Variants in DOK6 observed in about 807,000 individuals in gnomAD.
The protein encoded by DOK6 is downstream of tyrosine kinase 6.
DOK6 carries 22 observed loss-of-function variants against 44.0 expected under a neutral mutation model. The ratio of observed to expected loss-of-function variants is 0.50; its 90% CI spans 0.36 to 0.71. The LOEUF (loss-of-function observed/expected upper bound fraction) is 0.71, where lower values mean the gene tolerates loss of function less well. DOK6 is among the 30% of genes least tolerant of loss of function. The pLI, the probability that DOK6 is intolerant of heterozygous loss-of-function variation, is 0.00. For synonymous variants in DOK6, 166 were observed against 145.5 expected, an observed-to-expected ratio of 1.14 and a Z score of -1.01; for missense variants, 340 against 416.4, an observed-to-expected ratio of 0.82 and a Z score of 1.60.
At chr18:69,426,703 C>T (rs1476800255) in intron 1 of DOK6, among the ~76,000 whole-genome samples, 1 of 152,124 alleles carries the variant, frequency 6.6e-6, no homozygotes, top group African/African-American at 2.4e-5. Context: ...CATTCATACC[C>T]ATTTTTTCAC....
chr18:69,603,040 G>T (rs1295101735), intron 3 of DOK6, among the ~76,000 whole-genome samples: 2 of 152,236 alleles, frequency 1.3e-5, no homozygotes, highest in African/African-American at 4.8e-5. Flanking sequence ...CAATAATGAA[G>T]AACCAGACTT....
intron 1 of DOK6, among the ~76,000 whole-genome samples, chr18:69,557,733 T>C (rs1982724172): frequency 6.6e-6 from 1 of 152,138 alleles, no homozygotes; most frequent in Non-Finnish European, 1.5e-5. Context: ...TAGTTTTGAA[T>C]GAGAAAGTGA....
chr18:69,791,568 A>C (rs1311857158), intron 7 of DOK6, among the ~76,000 whole-genome samples: 1 of 152,162 alleles, frequency 6.6e-6, no homozygotes, highest in African/African-American at 2.4e-5. Flanking sequence ...AGAAATGTCT[A>C]TCCGGATCTT....
At chr18:69,483,275 G>A (rs1980481148) in intron 1 of DOK6, among the ~76,000 whole-genome samples, 1 of 151,894 alleles carries the variant, frequency 6.6e-6, no homozygotes, top group Non-Finnish European at 1.5e-5. Context: ...CTTCAGCAAA[G>A]TCTCAGGATA....
intron 2 of DOK6, among the ~76,000 whole-genome samples, chr18:69,597,959 G>C (rs754990408): frequency 6.6e-6 from 1 of 152,084 alleles, no homozygotes; most frequent in Non-Finnish European, 1.5e-5. Flanking sequence ...CTGATGACTT[G>C]GGTGATTTTC....
chr18:69,815,176 AG>A (rs1172139294), intron 7 of DOK6, among the ~76,000 whole-genome samples: 2 of 152,166 alleles, frequency 1.3e-5, no homozygotes, highest in African/African-American at 4.8e-5. Flanking sequence ...AGCACAAGGA[AG>A]AAAGAAGGGA....
intron 1 of DOK6, among the ~76,000 whole-genome samples, chr18:69,515,279 T>C (rs929916697): frequency 1.3e-5 from 2 of 152,218 alleles, no homozygotes; most frequent in Non-Finnish European, 2.9e-5. Context: ...ATTGTCCGTA[T>C]GTTTGTGGGA....
chr18:69,499,652 G>A (rs191847210), intron 1 of DOK6, among the ~76,000 whole-genome samples: 2 of 152,184 alleles, frequency 1.3e-5, no homozygotes, highest in Admixed American at 1.3e-4. Context: ...TGTATCTGCA[G>A]CCCAGACTTC....
At chr18:69,748,998 C>T (rs373872508) in intron 6 of DOK6, among the ~76,000 whole-genome samples, 33 of 152,244 alleles carry the variant, frequency 2.2e-4, no homozygotes, top group African/African-American at 7.9e-4. Context: ...AGATTATGTC[C>T]TTTTCATGGA....
intron 1 of DOK6, among the ~76,000 whole-genome samples, chr18:69,510,242 A>G (rs891393288): frequency 9.2e-5 from 14 of 152,226 alleles, no homozygotes; most frequent in Non-Finnish European, 2.9e-5. Context: ...TGGATATTGC[A>G]TTTAATTCTT....
At chr18:69,666,050 G>A (rs903812250) in intron 3 of DOK6, among the ~76,000 whole-genome samples, 6 of 152,096 alleles carry the variant, frequency 3.9e-5, no homozygotes, top group Non-Finnish European at 7.4e-5. Context: ...TATTTTATTG[G>A]TATTGACTTG....
At chr18:69,603,287 T>C (rs1983914429) in intron 3 of DOK6, among the ~76,000 whole-genome samples, 1 of 152,202 alleles carries the variant, frequency 6.6e-6, no homozygotes, top group Non-Finnish European at 1.5e-5. Context: ...GCTTACCTTT[T>C]GACACTGATT....
intron 5 of DOK6, among the ~76,000 whole-genome samples, chr18:69,734,253 A>C (rs1375963975): frequency 1.3e-5 from 2 of 151,878 alleles, no homozygotes; most frequent in African/African-American, 4.8e-5. Context: ...TATTATATGA[A>C]CTGGGTCTAT....
intron 6 of DOK6, among the ~76,000 whole-genome samples, 180 bp from the exon 7 acceptor site, chr18:69,757,576 T>C (rs1244898676): frequency 6.6e-6 from 1 of 150,414 alleles, no homozygotes; most frequent in East Asian, 1.9e-4. Flanking sequence ...TGTTTACAAG[T>C]ATTCCTTTCA....
At chr18:69,777,751 C>G (rs202205914) in intron 7 of DOK6, 2 of 107,234 alleles carry the variant, frequency 1.9e-5, no homozygotes, top group Non-Finnish European at 3.6e-5. Context: ...CCTTCACTGA[C>G]AAAAAAAAAA....
At chr18:69,408,198 C>G (rs1042835682) in intron 1 of DOK6, among the ~76,000 whole-genome samples, 1 of 152,090 alleles carries the variant, frequency 6.6e-6, no homozygotes, top group African/African-American at 2.4e-5. Context: ...TAGACAAGTT[C>G]AACACAGTCA....
intron 7 of DOK6, among the ~76,000 whole-genome samples, chr18:69,828,900 A>ATATAT (rs59036025): frequency 7.8e-6 from 1 of 127,870 alleles, no homozygotes; most frequent in Non-Finnish European, 1.7e-5. Context: ...ATATATATAT[A>ATATAT]GTATGTATGT....
chr18:69,550,731 TTTC>T (rs374464577), intron 1 of DOK6, among the ~76,000 whole-genome samples: 242 of 151,732 alleles, frequency 1.6e-3, no homozygotes, highest in African/African-American at 5.6e-3. Context: ...ATATTGACAG[TTTC>T]TTAAGTTTTT....
At chr18:69,407,994 T>G (rs1978292112) in intron 1 of DOK6, among the ~76,000 whole-genome samples, 1 of 152,178 alleles carries the variant, frequency 6.6e-6, no homozygotes, top group Non-Finnish European at 1.5e-5. Context: ...AGTCTTATGG[T>G]AGGATTTCAA....
Sources: gnomAD v4.1 joint callset for allele counts (sites outside exome capture counted in the v4.1 genomes callset) on GRCh38, gnomAD v4.1.1 for gene constraint, MANE v1.5 for transcripts, NCBI Gene and HGNC (gene_info 2026-07-23, HGNC 2026-07-21) for gene names.